Variants in PSD3 observed in about 807,000 individuals in gnomAD.
PSD3 encodes the protein PH and SEC7 domain-containing protein 3.
Under a neutral mutation model 105.5 loss-of-function variants are expected in PSD3, and 49 were observed. The ratio of observed to expected loss-of-function variants is 0.46; its 90% CI spans 0.37 to 0.59. The LOEUF is 0.59. Among genes scored for constraint, PSD3 ranks in the 20% least tolerant of loss-of-function variants. PSD3 has a pLI of 0.00. For synonymous variants in PSD3, 557 were observed against 457.8 expected, an observed-to-expected ratio of 1.22 and a Z score of -2.77; for missense variants, 1,561 against 1,263.8, an observed-to-expected ratio of 1.24 and a Z score of -3.57.
chr8:18,669,737 T>G (rs1799674173), intron 9 of PSD3, among the ~76,000 whole-genome samples: 1 of 152,234 alleles, frequency 6.6e-6, no homozygotes, highest in South Asian at 2.1e-4. Context: ...TGATGGCAGT[T>G]AAGTGAAACC....
At chr8:18,879,090 A>ACACG (rs1817941292) in intron 2 of PSD3, among the ~76,000 whole-genome samples, 1 of 147,000 alleles carries the variant, frequency 6.8e-6, no homozygotes, top group African/African-American at 2.5e-5. Flanking sequence ...ACACACACGC[A>ACACG]CACACAACTG....
chr8:18,565,095 G>T (rs907405898), intron 14 of PSD3, among the ~76,000 whole-genome samples: 5 of 152,086 alleles, frequency 3.3e-5, no homozygotes, highest in Non-Finnish European at 7.4e-5. Context: ...GGAGCCACCT[G>T]CCGGCCTGGA....
chr8:18,862,165 G>C (rs1331130843), intron 4 of PSD3, among the ~76,000 whole-genome samples: 3 of 152,004 alleles, frequency 2.0e-5, no homozygotes, highest in African/African-American at 7.3e-5. Context: ...CTTGATTTTT[G>C]TTCCATCTGA....
intron 1 of PSD3, among the ~76,000 whole-genome samples, chr8:19,060,852 G>A (rs113290119): frequency 3.3e-4 from 51 of 152,318 alleles, no homozygotes; most frequent in African/African-American, 1.1e-3. Flanking sequence ...GCAAGGGCAC[G>A]AGCTTTAAAA....
At chr8:18,594,468 T>C (rs953405035) in intron 12 of PSD3, among the ~76,000 whole-genome samples, 4 of 130,842 alleles carry the variant, frequency 3.1e-5, no homozygotes, top group Non-Finnish European at 4.6e-5. Context: ...ATTATATATA[T>C]ACAAAAGAAA....
intron 15 of PSD3, among the ~76,000 whole-genome samples, chr8:18,538,977 T>G (rs1363815867): frequency 6.6e-6 from 1 of 152,168 alleles, no homozygotes; most frequent in Non-Finnish European, 1.5e-5. Context: ...CGAGGGTTGA[T>G]GAGTTTGCAA....
intron 2 of PSD3, among the ~76,000 whole-genome samples, chr8:18,902,314 C>A (rs1269132527): frequency 6.6e-6 from 1 of 152,116 alleles, no homozygotes; most frequent in Non-Finnish European, 1.5e-5. Context: ...TGATTGAATT[C>A]TTCAAATACA....
intron 1 of PSD3, among the ~76,000 whole-genome samples, chr8:19,009,954 A>G (rs895836378): frequency 6.6e-6 from 1 of 152,166 alleles, no homozygotes; most frequent in African/African-American, 2.4e-5. Flanking sequence ...TTCTCAGAAG[A>G]CCCGTGTGAA....
intron 1 of PSD3, among the ~76,000 whole-genome samples, chr8:19,044,758 G>C (rs1040922797): frequency 2.6e-5 from 4 of 152,164 alleles, no homozygotes; most frequent in African/African-American, 9.7e-5. Flanking sequence ...TTGCTCAGTG[G>C]TACCATAAAG....
At chr8:18,680,173 C>T (rs1211768310) in intron 9 of PSD3, among the ~76,000 whole-genome samples, 6 of 152,232 alleles carry the variant, frequency 3.9e-5, no homozygotes, top group Non-Finnish European at 2.9e-5. Flanking sequence ...AATATTTAGA[C>T]TCAGAGGAGG....
intron 14 of PSD3, among the ~76,000 whole-genome samples, chr8:18,570,879 A>T (rs1354934428): frequency 2.0e-5 from 2 of 99,154 alleles, no homozygotes; most frequent in East Asian, 9.3e-4. Context: ...ATTATTATTG[A>T]GATGGAGTTT....
At chr8:18,813,848 C>T (rs1366653144) in intron 4 of PSD3, among the ~76,000 whole-genome samples, 1 of 152,192 alleles carries the variant, frequency 6.6e-6, no homozygotes, top group Non-Finnish European at 1.5e-5. Context: ...ATGTATGATG[C>T]TTGGCATGTA....
At chr8:18,983,040 T>C (rs769671689) in intron 1 of PSD3, among the ~76,000 whole-genome samples, 35 of 152,248 alleles carry the variant, frequency 2.3e-4, no homozygotes, top group Non-Finnish European at 3.7e-4. Flanking sequence ...ATGTTTAGCA[T>C]AGCCTCAGTC....
chr8:19,029,086 A>G (rs945891585), intron 1 of PSD3, among the ~76,000 whole-genome samples: 5 of 152,192 alleles, frequency 3.3e-5, no homozygotes, highest in Admixed American at 6.5e-5. Context: ...ATTGAGATCA[A>G]GTAGTGTAAG....
intron 2 of PSD3, among the ~76,000 whole-genome samples, chr8:18,922,455 A>C (rs1821084784): frequency 6.6e-6 from 1 of 152,228 alleles, no homozygotes; most frequent in Admixed American, 6.5e-5. Flanking sequence ...GAATAAACTA[A>C]ACGGAAGTGC....
chr8:18,755,633 T>A (rs1485210283), intron 9 of PSD3, among the ~76,000 whole-genome samples: 1 of 152,162 alleles, frequency 6.6e-6, no homozygotes, highest in Admixed American at 6.6e-5. Context: ...GTACCCTTAA[T>A]GATTACAACC....
At chr8:18,799,903 A>T (rs552975898) in intron 7 of PSD3, among the ~76,000 whole-genome samples, 1 of 152,326 alleles carries the variant, frequency 6.6e-6, no homozygotes, top group Admixed American at 6.5e-5. Context: ...TGCAGTAAAA[A>T]TCTTTTCAAT....
intron 9 of PSD3, among the ~76,000 whole-genome samples, chr8:18,671,346 G>A (rs182148735): frequency 5.9e-4 from 90 of 152,242 alleles, no homozygotes; most frequent in Non-Finnish European, 1.0e-3. Flanking sequence ...TCTAGCATAA[G>A]CATGCCCTCC....
Position 18,556,240 on chromosome 8 carries a change from T to C in PSD3, c.2897A>G (p.Tyr966Cys). 6.2e-7 allele frequency: 1 copy of C among 1,614,176 alleles called. No homozygotes were observed. The highest frequency in any genetic ancestry group is 8.5e-7 in the Non-Finnish European group (1 of 1,179,998). The stretch of plus-strand genomic sequence containing the variant: ...CTCCAGATAGTGGTCTTTCAGTTTG[T>C]ACTCATCGACGTCCTTGGCTTTGAC... ...KKVKAKDVDEYKLKDHYLEFE... is the reference protein window; with the variant it reads ...KKVKAKDVDECKLKDHYLEFE... Residue 966 changes from tyrosine to cysteine, a missense_variant, in exon 15 of 16, where the codon TAC becomes TGC. Transcript: ENST00000327040.
Sources: gnomAD v4.1 joint callset for allele counts (sites outside exome capture counted in the v4.1 genomes callset) on GRCh38, gnomAD v4.1.1 for gene constraint, MANE v1.5 for transcripts, NCBI Gene and HGNC (gene_info 2026-07-23, HGNC 2026-07-21) for gene names.